Variants in PRKCI observed in about 807,000 individuals in gnomAD.
PRKCI encodes protein kinase C iota.
A neutral mutation model predicts 84.0 loss-of-function variants in PRKCI; 43 were observed. The ratio of observed to expected loss-of-function variants is 0.51; its 90% CI spans 0.40 to 0.66. The LOEUF (loss-of-function observed/expected upper bound fraction) is 0.66. PRKCI is among the 30% of genes least tolerant of loss of function. PRKCI has a pLI of 0.00. For synonymous variants in PRKCI, 216 were observed against 234.4 expected (o/e 0.92, Z 0.72); for missense variants, 459 against 745.6 (o/e 0.62, Z 4.48).
At chr3:170,277,357 A>G (rs1294051582) in intron 8 of PRKCI, among the ~76,000 whole-genome samples, 1 of 152,150 alleles carries the variant, frequency 6.6e-6, no homozygotes, top group African/African-American at 2.4e-5. Context: ...ATTATCAGAG[A>G]AATAGAAATC....
chr3:170,273,913 C>T (rs1734055552), intron 7 of PRKCI, among the ~76,000 whole-genome samples: 1 of 151,736 alleles, frequency 6.6e-6, no homozygotes, highest in Non-Finnish European at 1.5e-5. Flanking sequence ...AGAAGGATCC[C>T]TTGAGCTCAG....
intron 8 of PRKCI, among the ~76,000 whole-genome samples, chr3:170,278,526 C>T (rs1263128434): frequency 6.6e-6 from 1 of 152,158 alleles, no homozygotes; most frequent in East Asian, 1.9e-4. Context: ...TTTGGAGGCA[C>T]ATGCCTGTAG....
intron 7 of PRKCI, among the ~76,000 whole-genome samples, chr3:170,273,683 C>A (rs1486804970): frequency 6.6e-6 from 1 of 151,312 alleles, no homozygotes; most frequent in Non-Finnish European, 1.5e-5. Flanking sequence ...GGTGTGGTGG[C>A]ACACTCCTGT....
chr3:170,253,825 G>T (rs1733512631), intron 2 of PRKCI, among the ~76,000 whole-genome samples: 1 of 149,754 alleles, frequency 6.7e-6, no homozygotes, highest in African/African-American at 2.5e-5. Context: ...GGCTAGGGAT[G>T]GTGTCTCACG....
Position 170,235,343 on chromosome 3 carries a change from A to G in PRKCI, c.215A>G (p.Asp72Gly). ...CAGCTCTTCACCATGAAATGGATAGATGAGGAAGGTGAGTGGTAAAGACAG... is the reference window on the plus strand; with the variant it reads ...CAGCTCTTCACCATGAAATGGATAGGTGAGGAAGGTGAGTGGTAAAGACAG... ...NEQLFTMKWI[D>G]EEGDPCTVSS... Residue 72 changes from aspartate to glycine, a missense_variant, in exon 2 of 18, where the codon GAT becomes GGT. Asp to Gly is a moderately conservative substitution (Grantham distance 94). Coordinates refer to ENST00000295797, the MANE Select transcript of PRKCI (RefSeq NM_002740.6). 1.2e-6 allele frequency: 2 copies of G among 1,614,074 alleles called. No homozygotes were observed. The highest frequency in any genetic ancestry group is 1.7e-6 in the Non-Finnish European group (2 of 1,179,966).
At chr3:170,295,485 C>T (rs933333694) in intron 14 of PRKCI, among the ~76,000 whole-genome samples, 1 of 151,794 alleles carries the variant, frequency 6.6e-6, no homozygotes, top group Non-Finnish European at 1.5e-5. Flanking sequence ...GAGACCAGCC[C>T]GGCCAGCATG....
intron 1 of PRKCI, among the ~76,000 whole-genome samples, chr3:170,234,329 CCTTATA>C (rs758030891): frequency 6.6e-6 from 1 of 152,110 alleles, no homozygotes; most frequent in Non-Finnish European, 1.5e-5. Flanking sequence ...CCACGCCCAG[CCTTATA>C]CTTATACTTT....
intron 12 of PRKCI, among the ~76,000 whole-genome samples, chr3:170,288,893 A>T (rs1430803892): frequency 6.6e-6 from 1 of 152,224 alleles, no homozygotes; most frequent in Admixed American, 6.5e-5. Context: ...TGTTGGATGA[A>T]TTTCTTTATA....
chr3:170,281,777 G>C, intron 10 of PRKCI, 105 bp from the exon 11 acceptor site: 26 of 1,427,670 alleles, frequency 1.8e-5, no homozygotes, highest in Non-Finnish European at 2.3e-5. Context: ...TCTTTTTAAA[G>C]GCTAAATAGT....
chr3:170,261,471 A>C (rs1162878674), intron 3 of PRKCI, among the ~76,000 whole-genome samples: 44 of 151,112 alleles, frequency 2.9e-4, no homozygotes, highest in Admixed American at 2.0e-3. Context: ...AAAAAAAAAA[A>C]AAAACAGTGG....
chr3:170,266,786 A>G (rs560103030), intron 4 of PRKCI, among the ~76,000 whole-genome samples: 232 of 152,322 alleles, frequency 1.5e-3, no homozygotes, highest in African/African-American at 5.3e-3. Flanking sequence ...TGAGGTCAGT[A>G]GTTTGAGACC....
chr3:170,297,643 G>T (rs951735143), intron 16 of PRKCI, among the ~76,000 whole-genome samples: 2 of 151,400 alleles, frequency 1.3e-5, no homozygotes, highest in African/African-American at 4.9e-5. Flanking sequence ...GTAGAGATGG[G>T]GGGGGTTTCA....
intron 4 of PRKCI, among the ~76,000 whole-genome samples, chr3:170,264,933 C>A (rs1733821694): frequency 6.6e-6 from 1 of 151,940 alleles, no homozygotes; most frequent in Admixed American, 6.6e-5. Context: ...TGCCTGTAAC[C>A]CTAGCACTTT....
chr3:170,234,554 T>C (rs1732895515), intron 1 of PRKCI, among the ~76,000 whole-genome samples: 1 of 152,172 alleles, frequency 6.6e-6, no homozygotes, highest in Non-Finnish European at 1.5e-5. Context: ...AAAGATAATT[T>C]TACACTTATT....
intron 2 of PRKCI, among the ~76,000 whole-genome samples, chr3:170,244,615 C>T (rs1733222891): frequency 6.6e-6 from 1 of 152,144 alleles, no homozygotes; most frequent in East Asian, 1.9e-4. Flanking sequence ...GGAAAAGCTT[C>T]CCCATTGATC....
chr3:170,249,875 C>CT (rs911698932), intron 2 of PRKCI, among the ~76,000 whole-genome samples: 12 of 151,526 alleles, frequency 7.9e-5, no homozygotes, highest in Admixed American at 4.0e-4. Context: ...AAAAGGGAGT[C>CT]TTTTTTTAAT....
intron 1 of PRKCI, among the ~76,000 whole-genome samples, chr3:170,233,185 TAC>T (rs1366724031): frequency 1.0e-5 from 1 of 99,756 alleles, no homozygotes; most frequent in Non-Finnish European, 2.3e-5. Context: ...AAGAAAAGCT[TAC>T]ACTGAGGTAG....
intron 2 of PRKCI, among the ~76,000 whole-genome samples, chr3:170,251,311 A>C (rs1279000758): frequency 6.6e-6 from 1 of 152,216 alleles, no homozygotes; most frequent in East Asian, 1.9e-4. Flanking sequence ...ATAAATGCTC[A>C]ACAATAAACA....
intron 12 of PRKCI, among the ~76,000 whole-genome samples, chr3:170,288,297 T>C (rs1734451127): frequency 6.6e-6 from 1 of 152,040 alleles, no homozygotes; most frequent in South Asian, 2.1e-4. Context: ...CTTTTGTTAC[T>C]CTTACTGGAA....
Sources: allele counts gnomAD v4.1 joint callset (sites outside exome capture counted in the v4.1 genomes callset), GRCh38; gene constraint gnomAD v4.1.1; transcripts MANE v1.5; gene names NCBI Gene and HGNC (gene_info 2026-07-23, HGNC 2026-07-21).